Variants in ARHGAP39 observed in about 807,000 individuals in gnomAD.
ARHGAP39 encodes the protein Rho GTPase activating protein 39.
A neutral mutation model predicts 106.9 loss-of-function variants in ARHGAP39; 44 were observed. The observed-to-expected ratio is 0.41, with a 90% CI of 0.32 to 0.53. ARHGAP39 has a LOEUF of 0.53. Ranked by LOEUF, ARHGAP39 falls within the 20% of genes least tolerant of loss-of-function variation. The pLI is 0.21. For missense variants in ARHGAP39, 1,496 were observed against 1,577.3 expected (o/e 0.95, Z 0.87); for synonymous variants, 768 against 693.2 (o/e 1.11, Z -1.69).
At chr8:144,602,699 T>C (rs553090436) in intron 2 of ARHGAP39, among the ~76,000 whole-genome samples, 43 of 136,976 alleles carry the variant, frequency 3.1e-4, no homozygotes, top group African/African-American at 1.1e-3. Context: ...TGTGTGCATG[T>C]GCGTGGAGTT....
intron 1 of ARHGAP39, among the ~76,000 whole-genome samples, chr8:144,640,922 T>C (rs1325428942): frequency 6.6e-6 from 1 of 152,230 alleles, no homozygotes; most frequent in Non-Finnish European, 1.5e-5. Context: ...CGCTAAATGC[T>C]CTGTTCTAGT....
chr8:144,594,571 G>A (rs1326279321), intron 2 of ARHGAP39, among the ~76,000 whole-genome samples: 1 of 151,946 alleles, frequency 6.6e-6, no homozygotes, highest in East Asian at 1.9e-4. Context: ...GTGGGCGCCT[G>A]TAATCCTAGC....
In ARHGAP39 at chr8:144,533,181, G is replaced by A. The variant is rs1332789830; in HGVS notation, c.2833C>T (p.Arg945Trp). The change falls in exon 9 of 12, where the codon CGG becomes TGG. Residue 945 changes from arginine (R) to tryptophan (W), a missense_variant. Coordinates refer to ENST00000377307, the MANE Select transcript of ARHGAP39 (RefSeq NM_025251.3). ...PERQLPWVQT[R>W]LSEEVLALNG... ...AGCGCCAGCACCTCCTCAGAGAGCC[G>A]TGTCTGCACCCAGGGCAGCTGGCGC... 9.3e-6 allele frequency: 15 copies of A among 1,611,666 alleles called. No individual in the cohort carries two copies. Among genetic ancestry groups the A allele is most frequent in the African/African-American group, 1.3e-5 (1 of 75,058 alleles).
intron 2 of ARHGAP39, among the ~76,000 whole-genome samples, chr8:144,600,036 C>T (rs191445691): frequency 2.3e-4 from 35 of 152,280 alleles, no homozygotes; most frequent in African/African-American, 7.0e-4. Flanking sequence ...GGCGTTTGTG[C>T]GCGTGGAGGC....
chr8:144,615,940 C>G (rs762786901), intron 1 of ARHGAP39, among the ~76,000 whole-genome samples: 2 of 152,254 alleles, frequency 1.3e-5, no homozygotes, highest in Non-Finnish European at 2.9e-5. Context: ...GGGTTTAGAG[C>G]TGTGACCCAG....
At chr8:144,696,543 T>C in the ARHGAP39 span, among the ~76,000 whole-genome samples, 1 of 152,238 alleles carries the variant, frequency 6.6e-6, no homozygotes, top group Non-Finnish European at 1.5e-5. Context: ...TTTTATAGCT[T>C]CTGAGTTGCC....
In ARHGAP39 at chr8:144,674,716, G is replaced by C. The variant is rs532515687; in HGVS notation, c.-82+10970C>G. On this transcript the variant is annotated intron_variant, in intron 1 of 11. Coordinates refer to ENST00000377307, the MANE Select transcript of ARHGAP39 (RefSeq NM_025251.3). ...CTATTTGTGCTGAGGGGCTCCTGCA[G>C]GCCTGCACCAAGCTGCCCTCAGCCC... 3.3e-5 allele frequency among the ~76,000 whole-genome samples: 5 copies of C among 152,306 alleles called. No homozygotes were observed. The East Asian group carries it at 9.7e-4, about 29-fold the overall frequency.
intron 10 of ARHGAP39, 65 bp downstream of exon 10, chr8:144,532,240 A>T: frequency 2.1e-6 from 3 of 1,450,736 alleles, no homozygotes; most frequent in Non-Finnish European, 2.9e-6. Context: ...AGGCGGAGAC[A>T]GGGGCCCCTG....
intron 6 of ARHGAP39, among the ~76,000 whole-genome samples, chr8:144,544,538 G>A (rs190560245): frequency 1.4e-3 from 209 of 152,362 alleles, no homozygotes; most frequent in Non-Finnish European, 9.7e-4. Flanking sequence ...GCTGTGCCCT[G>A]TAGATACCCA....
chr8:144,562,930 A>G (rs2130872092), intron 3 of ARHGAP39, among the ~76,000 whole-genome samples: 1 of 152,394 alleles, frequency 6.6e-6, no homozygotes, highest in Non-Finnish European at 1.5e-5. Context: ...GAGCTGACAG[A>G]CGTTACTGGT....
In ARHGAP39 at chr8:144,671,951, C is replaced by A. The variant is rs547297576; in HGVS notation, c.-82+13735G>T. Among the ~76,000 whole-genome samples, 1 of 152,256 alleles carries A rather than the reference C, an allele frequency of 6.6e-6. No homozygotes were observed. The highest frequency in any genetic ancestry group is 2.4e-5 in the African/African-American group (1 of 41,470). On this transcript the variant is annotated intron_variant, in intron 1 of 11. Coordinates refer to ENST00000377307, the MANE Select transcript of ARHGAP39 (RefSeq NM_025251.3). The surrounding 1 kb of genome is among the most constrained non-coding windows in gnomAD (Gnocchi z 4.5). ...GAGAGCCCTGCCAGAGCAATGGAGA[C>A]AGGCTCCGCCCAAGTGAGGCTCATC...
intron 1 of ARHGAP39, among the ~76,000 whole-genome samples, chr8:144,674,838 A>G (rs1365465369): frequency 6.6e-6 from 1 of 152,174 alleles, no homozygotes; most frequent in African/African-American, 2.4e-5. Flanking sequence ...CCCCAAGTGC[A>G]TGTACACCTG....
chr8:144,666,138 G>T (rs1307536132), intron 1 of ARHGAP39, among the ~76,000 whole-genome samples: 1 of 152,180 alleles, frequency 6.6e-6, no homozygotes, highest in Non-Finnish European at 1.5e-5. Context: ...GCTGGATTTT[G>T]AACTTGCAAG....
intron 3 of ARHGAP39, among the ~76,000 whole-genome samples, chr8:144,571,331 G>A (rs756306373): frequency 6.6e-6 from 1 of 152,052 alleles, no homozygotes; most frequent in African/African-American, 2.4e-5. Context: ...TTCAACATAC[G>A]CAAATCAACA....
chr8:144,660,755 A>C (rs1465772579), intron 1 of ARHGAP39, among the ~76,000 whole-genome samples: 2 of 152,146 alleles, frequency 1.3e-5, no homozygotes, highest in African/African-American at 2.4e-5. Context: ...CGAGGCAGGC[A>C]GATCACTTGA....
rs116889207 is a variant in ARHGAP39, at chr8:144,600,900, C to T, written c.80+4635G>A. Among the ~76,000 whole-genome samples the T allele has an allele frequency of 8.8e-4, 110 of 125,672 alleles. No homozygotes were observed. The East Asian group carries it at 0.011, about 13-fold the overall frequency. The allele number at this position is 125,672 out of a possible 152,430, so 82.4% of individuals were successfully genotyped here. ...GCGTGCTCGTGTACCTGTGCGTGTGCGTGGTGTGTGCAAGCTCATGTACCT... is the reference window on the plus strand; with the variant it reads ...GCGTGCTCGTGTACCTGTGCGTGTGTGTGGTGTGTGCAAGCTCATGTACCT... On this transcript the variant is annotated intron_variant, in intron 2 of 11. Coordinates refer to ENST00000377307, the MANE Select transcript of ARHGAP39 (RefSeq NM_025251.3).
chr8:144,603,025 CTGTG>C (rs1299370667), intron 2 of ARHGAP39, among the ~76,000 whole-genome samples: 5 of 109,464 alleles, frequency 4.6e-5, no homozygotes, highest in East Asian at 2.7e-4. Flanking sequence ...GCTCATGTAT[CTGTG>C]TGCGTGCGTG....
intron 2 of ARHGAP39, among the ~76,000 whole-genome samples, chr8:144,605,266 G>C (rs1586607761): frequency 6.6e-6 from 1 of 152,082 alleles, no homozygotes; most frequent in East Asian, 1.9e-4. Flanking sequence ...GTCTCCTCAA[G>C]AAATAAATCA....
At chr8:144,654,244 C>T (rs983189334) in intron 1 of ARHGAP39, among the ~76,000 whole-genome samples, 6 of 152,162 alleles carry the variant, frequency 3.9e-5, no homozygotes, top group African/African-American at 1.4e-4. Context: ...GTGGCTCACA[C>T]TTGTAATCTC....
Sources: allele counts gnomAD v4.1 joint callset (sites outside exome capture counted in the v4.1 genomes callset), GRCh38; gene constraint gnomAD v4.1.1; non-coding constraint Gnocchi (gnomAD v3.1); transcripts MANE v1.5; gene names NCBI Gene and HGNC (gene_info 2026-07-23, HGNC 2026-07-21).